The following NLGN1 variants were observed in gnomAD, a reference collection of about 807,000 sequenced individuals.
The protein encoded by NLGN1 is neuroligin-1.
In NLGN1, 12 loss-of-function variants were observed where a neutral mutation model predicts 65.5. That is an observed-to-expected ratio of 0.18 (90% CI 0.12 to 0.30). NLGN1 has a LOEUF of 0.30. NLGN1 is among the 10% of genes least tolerant of loss of function. The pLI, the probability that NLGN1 is intolerant of heterozygous loss-of-function variation, is 1.00. For missense variants in NLGN1, 750 were observed against 1,007.1 expected, an observed-to-expected ratio of 0.74 and a Z score of 3.46; for synonymous variants, 350 against 359.5, an observed-to-expected ratio of 0.97 and a Z score of 0.30.
At chr3:173,684,159 G>A (rs1403115570) in intron 3 of NLGN1, among the ~76,000 whole-genome samples, 5 of 152,152 alleles carry the variant, frequency 3.3e-5, no homozygotes, top group Admixed American at 3.3e-4. Flanking sequence ...ATAATTTGAA[G>A]TGATTATTAA....
At chr3:173,598,189 A>G (rs1749818720) in intron 2 of NLGN1, among the ~76,000 whole-genome samples, 1 of 152,170 alleles carries the variant, frequency 6.6e-6, no homozygotes, top group Non-Finnish European at 1.5e-5. Context: ...GTAAACTCTA[A>G]TGCATCACTG....
intron 4 of NLGN1, among the ~76,000 whole-genome samples, chr3:174,265,763 C>CTATATATATATGTA (rs1298436001): frequency 3.2e-5 from 4 of 125,666 alleles, no homozygotes; most frequent in African/African-American, 1.3e-4. Flanking sequence ...ACTAAGAAGG[C>CTATATATATATGTA]TATATATATA....
chr3:173,818,895 CTTT>C lies in NLGN1; in HGVS notation c.646+11077_646+11079del, dbSNP rs200212547. On this transcript the variant is annotated intron_variant, in intron 4 of 6. Coordinates refer to ENST00000457714, the Ensembl canonical transcript of NLGN1. ...AATTTTGTTCTGCCTTTGAATAGTTCTTTTTTTTTTTTTTTTCCAGTAAGGAAC... is the reference window on the plus strand; with the variant it reads ...AATTTTGTTCTGCCTTTGAATAGTTCTTTTTTTTTTTTTCCAGTAAGGAAC... Among the ~76,000 whole-genome samples the C allele has an allele frequency of 5.4e-4, 50 of 92,384 alleles. 1 individual carries two copies. The highest frequency in any genetic ancestry group is 2.1e-3 in the African/African-American group (44 of 21,220). 60.6% of individuals were successfully genotyped at this position (92,384 alleles called of 152,430 possible). A position where few individuals can be genotyped will look rare whatever the true frequency, so the allele number is the denominator to read the frequency against.
At chr3:173,463,060 C>G (rs1039546903) in intron 2 of NLGN1, among the ~76,000 whole-genome samples, 1 of 152,086 alleles carries the variant, frequency 6.6e-6, no homozygotes, top group Non-Finnish European at 1.5e-5. Flanking sequence ...TTGTCCTAAT[C>G]CCTCTGGGAC....
intron 4 of NLGN1, among the ~76,000 whole-genome samples, chr3:174,020,133 T>C (rs1234905937): frequency 6.6e-6 from 1 of 152,154 alleles, no homozygotes; most frequent in Non-Finnish European, 1.5e-5. Flanking sequence ...AGGTCACACA[T>C]CCATCTGAAC....
chr3:173,849,944 T>G (rs1220930347), intron 4 of NLGN1, among the ~76,000 whole-genome samples: 1 of 152,152 alleles, frequency 6.6e-6, no homozygotes, highest in African/African-American at 2.4e-5. Context: ...TAAAATATAT[T>G]TATCTGAGGT....
At chr3:173,898,970 G>C (rs190122306) in intron 4 of NLGN1, among the ~76,000 whole-genome samples, 4 of 152,170 alleles carry the variant, frequency 2.6e-5, no homozygotes, top group Admixed American at 2.0e-4. Context: ...TTGATCTGGG[G>C]TAAGGAGTTA....
chr3:173,979,442 A>C (rs1451092962), intron 4 of NLGN1, among the ~76,000 whole-genome samples: 2 of 152,178 alleles, frequency 1.3e-5, no homozygotes, highest in Admixed American at 1.3e-4. Flanking sequence ...ACAAGGTGAA[A>C]GTTGATTATT....
At chr3:174,139,924 C>G (rs77487564) in intron 4 of NLGN1, among the ~76,000 whole-genome samples, 1 of 152,082 alleles carries the variant, frequency 6.6e-6, no homozygotes, top group East Asian at 1.9e-4. Context: ...GTCTTTTGTT[C>G]ATTTTAAAAT....
Position 173,948,857 on chromosome 3 carries a change from G to T in NLGN1, c.646+141025G>T, listed in dbSNP as rs1353445866. 3.9e-5 allele frequency among the ~76,000 whole-genome samples: 6 copies of T among 152,042 alleles called. No individual in the cohort carries two copies. In the East Asian group the frequency reaches 1.2e-3, roughly 29 times the overall value. On this transcript the variant is annotated intron_variant, in intron 4 of 6. Transcript: ENST00000457714. ...CTTGATTATGATAAACTCAAATTTA[G>T]TGGCAACCCAGACAGACTTTAGATA...
chr3:173,924,074 T>C (rs1298685767), intron 4 of NLGN1, among the ~76,000 whole-genome samples: 3 of 152,140 alleles, frequency 2.0e-5, no homozygotes, highest in Non-Finnish European at 4.4e-5. Context: ...CAAAAACTGA[T>C]TGGAGAAACA....
At chr3:174,166,989 A>G (rs908264848) in intron 4 of NLGN1, among the ~76,000 whole-genome samples, 8 of 152,094 alleles carry the variant, frequency 5.3e-5, no homozygotes, top group African/African-American at 1.9e-4. Flanking sequence ...TTTATCTGAT[A>G]TAAGAATTGC....
At chr3:173,482,249 T>G (rs1445007819) in intron 2 of NLGN1, among the ~76,000 whole-genome samples, 1 of 151,978 alleles carries the variant, frequency 6.6e-6, no homozygotes, top group Non-Finnish European at 1.5e-5. Flanking sequence ...GTCTACATTT[T>G]TTATAATTAC....
At chr3:173,565,141 G>A (rs1343320359) in intron 2 of NLGN1, among the ~76,000 whole-genome samples, 1 of 152,174 alleles carries the variant, frequency 6.6e-6, no homozygotes, top group African/African-American at 2.4e-5. Flanking sequence ...ATAAGGTTGG[G>A]AAGAAGCAGA....
intron 2 of NLGN1, among the ~76,000 whole-genome samples, chr3:173,585,971 G>A (rs1030704103): frequency 6.6e-6 from 1 of 152,156 alleles, no homozygotes; most frequent in African/African-American, 2.4e-5. Flanking sequence ...GCAACTAAAA[G>A]TTGCTTTGGA....
intron 4 of NLGN1, among the ~76,000 whole-genome samples, chr3:174,015,653 A>G (rs900633734): frequency 6.6e-6 from 1 of 152,206 alleles, no homozygotes; most frequent in Non-Finnish European, 1.5e-5. Context: ...TAGATTTTAA[A>G]GAGACTTAGT....
chr3:173,888,928 T>C (rs1029939637), intron 4 of NLGN1, among the ~76,000 whole-genome samples: 15 of 152,160 alleles, frequency 9.9e-5, no homozygotes, highest in Admixed American at 7.9e-4. Flanking sequence ...AGATTTATTA[T>C]AATTTAGGTG....
chr3:173,944,124 G>GTTGTCTGTGTGTGTGT (rs34721217), intron 4 of NLGN1, among the ~76,000 whole-genome samples: 33 of 139,596 alleles, frequency 2.4e-4, no homozygotes, highest in African/African-American at 7.9e-4. Context: ...TAATATTATG[G>GTTGTCTGTGTGTGTGT]GTGTGTGTGT....
At chr3:173,921,089 C>T (rs1329048153) in intron 4 of NLGN1, among the ~76,000 whole-genome samples, 2 of 150,290 alleles carry the variant, frequency 1.3e-5, no homozygotes, top group Non-Finnish European at 1.5e-5. Flanking sequence ...CTCAAAAATC[C>T]TCCAAAGCAA....
Sources: allele counts gnomAD v4.1 joint callset (sites outside exome capture counted in the v4.1 genomes callset), GRCh38; gene constraint gnomAD v4.1.1; transcripts MANE v1.5; gene names NCBI Gene and HGNC (gene_info 2026-07-23, HGNC 2026-07-21).